Variants in AR observed in about 807,000 individuals in gnomAD.
The protein encoded by AR is dihydrotestosterone receptor.
Under a neutral mutation model 53.9 loss-of-function variants are expected in AR, and 8 were observed. The ratio of observed to expected loss-of-function variants is 0.15; its 90% CI spans 0.09 to 0.27. The LOEUF (loss-of-function observed/expected upper bound fraction) is 0.27. Ranked by LOEUF, AR falls within the 10% of genes least tolerant of loss-of-function variation. The probability of loss-of-function intolerance (pLI) is 1.00; values close to 1 mark genes in which losing one functional copy is unlikely to be tolerated. For missense variants in AR, 639 were observed against 742.5 expected (o/e 0.86, Z 1.62); for synonymous variants, 359 against 316.4 (o/e 1.13, Z -1.43).
rs1227329979 is a variant in AR, at chrX:67,641,274, G to A, written c.1617-1982G>A. ...TTCTGCAATATAGGGATGATACACA[G>A]CTACCTGGTAGGTTGTTGGGAAAAT... On this transcript the variant is annotated intron_variant, in intron 1 of 7. Coordinates refer to ENST00000374690, the MANE Select transcript of AR (RefSeq NM_000044.6). Among the ~76,000 whole-genome samples the A allele has an allele frequency of 5.4e-5, 6 of 111,820 alleles. No individual in the cohort carries two copies. In the Admixed American group the frequency reaches 5.7e-4, roughly 11 times the overall value.
chrX:67,692,849 C>T (rs1313199987), intron 3 of AR, among the ~76,000 whole-genome samples: 1 of 111,634 alleles, frequency 9.0e-6, no homozygotes, highest in African/African-American at 3.3e-5. Context: ...TTTCTTTGTT[C>T]TTTGGTCTGT....
At chrX:67,581,746 C>T (rs1014764950) in intron 1 of AR, among the ~76,000 whole-genome samples, 1 of 111,529 alleles carries the variant, frequency 9.0e-6, no homozygotes, top group Non-Finnish European at 1.9e-5. Flanking sequence ...GCCAGTAAGC[C>T]GCTAAGCCTA....
chrX:67,661,012 G>A (rs1340003526), intron 2 of AR, among the ~76,000 whole-genome samples: 1 of 111,519 alleles, frequency 9.0e-6, no homozygotes, highest in Non-Finnish European at 1.9e-5. Flanking sequence ...TTGGCTCTCT[G>A]TTTTCTGTTA....
chrX:67,716,216 A>C (rs1276955232), intron 4 of AR, among the ~76,000 whole-genome samples: 2 of 112,341 alleles, frequency 1.8e-5, no homozygotes, highest in African/African-American at 6.5e-5. Context: ...AAGAAGCTCC[A>C]AGTCTTGTGG....
intron 2 of AR, among the ~76,000 whole-genome samples, chrX:67,655,886 C>T (rs1336464848): frequency 8.9e-6 from 1 of 112,422 alleles, no homozygotes; most frequent in Non-Finnish European, 1.9e-5. Context: ...CAAATTACAG[C>T]ACATTTTCAA....
intron 1 of AR, among the ~76,000 whole-genome samples, chrX:67,601,631 AC>A (rs758445259): frequency 8.9e-6 from 1 of 112,290 alleles, no homozygotes; most frequent in South Asian, 3.7e-4. Context: ...TTCTTTGCAG[AC>A]CTGCAGAAAA....
At chrX:67,670,416 A>G (rs1030045644) in intron 2 of AR, among the ~76,000 whole-genome samples, 11 of 104,365 alleles carry the variant, frequency 1.1e-4, no homozygotes, top group Non-Finnish European at 1.6e-4. Context: ...AAGAAACATA[A>G]TTCACCTATT....
intron 3 of AR, among the ~76,000 whole-genome samples, chrX:67,701,733 G>A (rs1469700747): frequency 9.1e-6 from 1 of 110,019 alleles, no homozygotes. Flanking sequence ...CTACTGTATT[G>A]CCTATGTAGA....
chrX:67,560,279 C>A (rs1210310171), intron 1 of AR, among the ~76,000 whole-genome samples: 1 of 111,401 alleles, frequency 9.0e-6, no homozygotes, highest in Non-Finnish European at 1.9e-5. Flanking sequence ...CCTTCTCAGT[C>A]ATTCCTTCTC....
chrX:67,678,519 C>A, intron 2 of AR, among the ~76,000 whole-genome samples: 1 of 111,758 alleles, frequency 8.9e-6, no homozygotes, highest in Middle Eastern at 4.6e-3. Flanking sequence ...TGTATGTACA[C>A]CACATTTTCT....
chrX:67,661,904 C>G (rs1010820799), intron 2 of AR, among the ~76,000 whole-genome samples: 6 of 111,538 alleles, frequency 5.4e-5, no homozygotes, highest in African/African-American at 1.6e-4. Flanking sequence ...TCAACTTCTT[C>G]CTGGTTTAGT....
chrX:67,654,475 G>A (rs1926495555), intron 2 of AR, among the ~76,000 whole-genome samples: 1 of 110,309 alleles, frequency 9.1e-6, no homozygotes, highest in Non-Finnish European at 1.9e-5. Flanking sequence ...TTACCTCCCA[G>A]TACACTGTGA....
At chrX:67,691,572 G>A (rs1484939213) in intron 3 of AR, among the ~76,000 whole-genome samples, 1 of 111,491 alleles carries the variant, frequency 9.0e-6, no homozygotes, top group East Asian at 2.8e-4. Flanking sequence ...CATAACACCT[G>A]TTATCCTACA....
chrX:67,574,929 G>A (rs1326092649), intron 1 of AR, among the ~76,000 whole-genome samples: 3 of 111,500 alleles, frequency 2.7e-5, no homozygotes, highest in Admixed American at 9.5e-5. Context: ...AAACAGTAAG[G>A]AAACCACAAA....
intron 2 of AR, among the ~76,000 whole-genome samples, chrX:67,671,418 A>G (rs1229317182): frequency 1.8e-5 from 2 of 112,374 alleles, no homozygotes; most frequent in African/African-American, 6.5e-5. Flanking sequence ...GTCTGTTCAT[A>G]TTCTTCACCC....
At chrX:67,633,831 T>C (rs1364953191) in intron 1 of AR, among the ~76,000 whole-genome samples, 2 of 112,086 alleles carry the variant, frequency 1.8e-5, no homozygotes, top group Non-Finnish European at 3.8e-5. Flanking sequence ...ACTGTATGAT[T>C]TTATTTGTAT....
At chrX:67,665,883 T>G (rs1475858142) in intron 2 of AR, among the ~76,000 whole-genome samples, 1 of 111,693 alleles carries the variant, frequency 9.0e-6, no homozygotes, top group African/African-American at 3.3e-5. Context: ...TTTCTCTGAC[T>G]AGTTTCAGAC....
intron 1 of AR, among the ~76,000 whole-genome samples, chrX:67,550,448 G>A (rs886296059): frequency 9.1e-6 from 1 of 110,394 alleles, no homozygotes; most frequent in African/African-American, 3.3e-5. Context: ...TATATGCACT[G>A]CGGCTTGTAC....
Position 67,546,865 on chromosome X carries a change from C to T in AR, c.1616+103C>T, listed in dbSNP as rs1929787534. On this transcript the variant is annotated intron_variant, in intron 1 of 7. Coordinates refer to ENST00000374690, the MANE Select transcript of AR (RefSeq NM_000044.6). ...CTACCTGCGCGAACACTCAGATTGC[C>T]CCTGGGAGAGCTCAGCAGGGTAAAC... The T allele has an allele frequency of 3.2e-6, 3 of 951,093 alleles. No individual in the cohort carries two copies. In the East Asian group the frequency reaches 1.0e-4, roughly 32 times the overall value. 78.4% of individuals were successfully genotyped at this position (951,093 alleles called of 1,213,427 possible).
Sources: gnomAD v4.1 joint callset for allele counts (sites outside exome capture counted in the v4.1 genomes callset) on GRCh38, gnomAD v4.1.1 for gene constraint, MANE v1.5 for transcripts, NCBI Gene and HGNC (gene_info 2026-07-23, HGNC 2026-07-21) for gene names.